TPD52: variants seen among roughly 807,000 people sequenced by gnomAD.
The protein encoded by TPD52 is prostate and colon associated protein.
A neutral mutation model predicts 31.3 loss-of-function variants in TPD52; 17 were observed. The ratio of observed to expected loss-of-function variants is 0.54; its 90% CI spans 0.37 to 0.82. The LOEUF (loss-of-function observed/expected upper bound fraction) is 0.82. Ranked by LOEUF, TPD52 falls within the 40% of genes least tolerant of loss-of-function variation. The probability of loss-of-function intolerance (pLI) is 0.00; values close to 1 mark genes in which losing one functional copy is unlikely to be tolerated. For synonymous variants in TPD52, 83 were observed against 89.6 expected, an observed-to-expected ratio of 0.93 and a Z score of 0.42; for missense variants, 212 against 240.1, an observed-to-expected ratio of 0.88 and a Z score of 0.77.
intron 1 of TPD52, among the ~76,000 whole-genome samples, chr8:80,135,388 G>A (rs1809319981): frequency 1.3e-5 from 2 of 152,102 alleles, no homozygotes; most frequent in Non-Finnish European, 2.9e-5. Context: ...TTATCTCGGT[G>A]AACTACCTGA....
At chr8:80,076,030 C>T (rs1298556346) in intron 1 of TPD52, among the ~76,000 whole-genome samples, 2 of 152,180 alleles carry the variant, frequency 1.3e-5, no homozygotes, top group Non-Finnish European at 2.9e-5. Flanking sequence ...TCGTGTTAAA[C>T]TAAAATGTCA....
chr8:80,137,100 T>C lies in TPD52; in HGVS notation c.19+34325A>G, dbSNP rs535052041. ...CTAAATGTGCTTGGATAAAGCACAA[T>C]TAAATACATGTTTGTATTTTTCCAA... On this transcript the variant is annotated intron_variant, in intron 1 of 7. Coordinates refer to ENST00000518937, the MANE Select transcript of TPD52 (RefSeq NM_001025253.3). 7.2e-5 allele frequency among the ~76,000 whole-genome samples: 11 copies of C among 152,320 alleles called. No homozygotes were observed. The South Asian group carries it at 1.9e-3, about 26-fold the overall frequency.
At chr8:80,149,870 A>G (rs779536181) in intron 1 of TPD52, among the ~76,000 whole-genome samples, 1 of 152,208 alleles carries the variant, frequency 6.6e-6, no homozygotes, top group African/African-American at 2.4e-5. Flanking sequence ...AAGTTTGGAA[A>G]ATTTGCAGTA....
downstream of TPD52, among the ~76,000 whole-genome samples, chr8:80,031,520 GAA>G (rs1809692579): frequency 2.0e-5 from 3 of 152,170 alleles, no homozygotes; most frequent in South Asian, 6.2e-4. Context: ...TTTTTCAGGA[GAA>G]AGTGTGGTAA....
chr8:80,102,978 G>A lies in TPD52; in HGVS notation c.20-38385C>T, dbSNP rs530263263. On this transcript the variant is annotated intron_variant, in intron 1 of 7. Coordinates refer to ENST00000518937, the MANE Select transcript of TPD52 (RefSeq NM_001025253.3). ...GAACCCATGGACGTTCCTGGAGAAC[G>A]GCATGCTCAAAGGAGACATGGAAGC... Among the ~76,000 whole-genome samples the A allele has an allele frequency of 2.8e-4, 43 of 152,284 alleles. No homozygotes were observed. In the South Asian group the frequency reaches 8.3e-3, roughly 29 times the overall value.
chr8:80,092,893 T>A (rs937299534), intron 1 of TPD52, among the ~76,000 whole-genome samples: 2 of 150,252 alleles, frequency 1.3e-5, no homozygotes, highest in Non-Finnish European at 3.0e-5. Context: ...GAATAAAGGA[T>A]GGAATAAAGG....
intron 1 of TPD52, among the ~76,000 whole-genome samples, chr8:80,157,303 G>A (rs549097439): frequency 6.6e-6 from 1 of 152,090 alleles, no homozygotes; most frequent in African/African-American, 2.4e-5. Flanking sequence ...TTTGGGAAAG[G>A]ATGGTAATGC....
intron 1 of TPD52, among the ~76,000 whole-genome samples, chr8:80,130,852 G>A (rs543557849): frequency 2.0e-5 from 3 of 152,106 alleles, no homozygotes; most frequent in South Asian, 2.1e-4. Flanking sequence ...TCAGGGCTCC[G>A]TTAACAAAAA....
chr8:80,148,317 A>T (rs1586395461), intron 1 of TPD52, among the ~76,000 whole-genome samples: 2 of 143,888 alleles, frequency 1.4e-5, no homozygotes, highest in African/African-American at 2.7e-5. Flanking sequence ...TTCCTGGCTA[A>T]GTGTGTGTGT....
intron 2 of TPD52, among the ~76,000 whole-genome samples, chr8:80,054,438 G>A (rs1313617284): frequency 6.6e-6 from 1 of 152,088 alleles, no homozygotes; most frequent in African/African-American, 2.4e-5. Context: ...CTATTTCAGA[G>A]AGAAATAGAC....
intron 1 of TPD52, among the ~76,000 whole-genome samples, chr8:80,100,766 C>T (rs1368185765): frequency 6.6e-6 from 1 of 152,208 alleles, no homozygotes; most frequent in Non-Finnish European, 1.5e-5. Context: ...ACCAATGTCC[C>T]AGCTGGAAGA....
At chr8:80,074,582 C>T (rs1814301045) in intron 1 of TPD52, among the ~76,000 whole-genome samples, 1 of 152,106 alleles carries the variant, frequency 6.6e-6, no homozygotes, top group South Asian at 2.1e-4. Context: ...CATCTCAGGC[C>T]CACTCACCAG....
intron 1 of TPD52, among the ~76,000 whole-genome samples, chr8:80,116,625 G>A (rs1399246641): frequency 1.3e-5 from 2 of 152,006 alleles, no homozygotes; most frequent in Non-Finnish European, 2.9e-5. Context: ...AGAAGAGGAG[G>A]AAATGCTATG....
At position 80,126,479 on chromosome 8, in the gene TPD52, A is replaced by ATTT. The variant is rs752947491; in HGVS notation, c.19+44943_19+44945dup. ...TTGCTTTTGAAGATAAAAGTTTATA[A>ATTT]TTTTTTTTTTTTTTTTTTTTGAGAC... On this transcript the variant is annotated intron_variant, in intron 1 of 7. Coordinates refer to ENST00000518937, the MANE Select transcript of TPD52 (RefSeq NM_001025253.3). 1.1e-4 allele frequency among the ~76,000 whole-genome samples: 14 copies of ATTT among 126,452 alleles called. 1 individual carries two copies. The highest frequency in any genetic ancestry group is 4.6e-4 in the East Asian group (2 of 4,350). The allele number at this position is 126,452 out of a possible 152,430, so 83.0% of individuals were successfully genotyped here.
chr8:80,131,280 A>G (rs954059560), intron 1 of TPD52, among the ~76,000 whole-genome samples: 12 of 152,378 alleles, frequency 7.9e-5, no homozygotes, highest in African/African-American at 2.6e-4. Flanking sequence ...CAACGATTCC[A>G]TCTGCCTGTT....
chr8:80,155,643 A>C (rs1810913098), intron 1 of TPD52, among the ~76,000 whole-genome samples: 1 of 152,150 alleles, frequency 6.6e-6, no homozygotes, highest in Non-Finnish European at 1.5e-5. Flanking sequence ...CAGCACTTTG[A>C]GAGGCCGAGG....
rs1284499705 is a variant in TPD52, at chr8:80,034,754, AT to A, written c.*3361del. On this transcript the variant is annotated 3_prime_UTR_variant, in exon 8 of 8. Transcript: ENST00000518937. The stretch of plus-strand genomic sequence containing the variant: ...TGAAAGATCACGTCCATTTACAAAT[AT>A]TCAAACAAAACTGTATTTGGCTTTT... 6.6e-6 allele frequency: 1 copy of A among 152,244 alleles called. No individual in the cohort carries two copies. Among genetic ancestry groups the A allele is most frequent in the East Asian group, 1.9e-4 (1 of 5,204 alleles). The allele number at this position is 152,244 out of a possible 1,614,324, so 9.4% of individuals were successfully genotyped here.
intron 1 of TPD52, among the ~76,000 whole-genome samples, chr8:80,090,513 A>T (rs964680600): frequency 1.3e-5 from 2 of 152,246 alleles, no homozygotes; most frequent in African/African-American, 4.8e-5. Context: ...ACCCAGGGGC[A>T]TTTCAGTTCC....
chr8:80,112,926 G>A (rs36007037), intron 1 of TPD52, among the ~76,000 whole-genome samples: 5,527 of 152,254 alleles, frequency 0.036, 133 homozygotes, highest in Middle Eastern at 0.058. Context: ...TGGGAACCAA[G>A]TCTAAACATA....
Sources: allele counts gnomAD v4.1 joint callset (sites outside exome capture counted in the v4.1 genomes callset), GRCh38; gene constraint gnomAD v4.1.1; transcripts MANE v1.5; gene names NCBI Gene and HGNC (gene_info 2026-07-23, HGNC 2026-07-21).